Variants in MCPH1 observed in about 807,000 individuals in gnomAD.
MCPH1 encodes microcephalin.
A neutral mutation model predicts 84.5 loss-of-function variants in MCPH1; 104 were observed. That is an observed-to-expected ratio of 1.23 (90% CI 1.05 to 1.45). MCPH1 has a LOEUF of 1.45. Among genes scored for constraint, MCPH1 ranks in the 40% most tolerant of loss-of-function variants. The pLI is 0.00. For synonymous variants in MCPH1, 514 were observed against 366.8 expected (o/e 1.40, Z -4.58); for missense variants, 1,498 against 1,005.7 (o/e 1.49, Z -6.62).
intron 8 of MCPH1, chr8:6,447,470 T>C: frequency 1.0e-6 from 1 of 961,226 alleles, no homozygotes; most frequent in South Asian, 4.8e-5. Context: ...AAAAAAGGCT[T>C]CAAAAACAAG....
intron 12 of MCPH1, among the ~76,000 whole-genome samples, chr8:6,504,330 A>AAAAG (rs1453533544): frequency 1.3e-5 from 2 of 151,334 alleles, no homozygotes; most frequent in African/African-American, 4.9e-5. Context: ...AAAAAAAAAA[A>AAAAG]AAAAAAAGAA....
intron 12 of MCPH1, among the ~76,000 whole-genome samples, chr8:6,541,773 G>C (rs1414521195): frequency 6.6e-6 from 1 of 152,172 alleles, no homozygotes; most frequent in Non-Finnish European, 1.5e-5. Context: ...GGGGGCCAAG[G>C]TAGGAGGATC....
intron 12 of MCPH1, among the ~76,000 whole-genome samples, chr8:6,539,222 A>G (rs1821073468): frequency 6.6e-6 from 1 of 152,242 alleles, no homozygotes; most frequent in Admixed American, 6.5e-5. Context: ...GTGAGAGGTG[A>G]TGTTCACATG....
In MCPH1 at chr8:6,501,503, G is replaced by C. The variant is rs2922804; in HGVS notation, c.2214+1574G>C. 2.0e-5 allele frequency: 3 copies of C among 151,224 alleles called. No individual in the cohort carries two copies. The East Asian group carries it at 5.8e-4, about 29-fold the overall frequency. The allele number at this position is 151,224 out of a possible 1,614,324, so 9.4% of individuals were successfully genotyped here. ...AGGAGTTAAAACTCCAGGAGTTTATGGTTTTGTAGTCCCGAGTATAAAGCT... is the reference window on the plus strand; with the variant it reads ...AGGAGTTAAAACTCCAGGAGTTTATCGTTTTGTAGTCCCGAGTATAAAGCT... On this transcript the variant is annotated intron_variant, in intron 12 of 13. Coordinates refer to ENST00000344683, the MANE Select transcript of MCPH1 (RefSeq NM_024596.5).
At chr8:6,461,773 T>C (rs1197533736) in intron 9 of MCPH1, among the ~76,000 whole-genome samples, 2 of 152,224 alleles carry the variant, frequency 1.3e-5, no homozygotes, top group African/African-American at 4.8e-5. Context: ...TTATGACGAA[T>C]TTTGACCTGT....
chr8:6,586,533 A>C (rs1054062957), intron 12 of MCPH1, among the ~76,000 whole-genome samples: 1 of 152,100 alleles, frequency 6.6e-6, no homozygotes, highest in Non-Finnish European at 1.5e-5. Context: ...CCCTTCTTTC[A>C]GCAGTTATTG....
chr8:6,568,794 C>A (rs1279052571), intron 12 of MCPH1, among the ~76,000 whole-genome samples: 1 of 152,260 alleles, frequency 6.6e-6, no homozygotes. Flanking sequence ...TGCCCGGCTA[C>A]AGTCTGCTTT....
Position 6,645,595 on chromosome 8 carries a change from T to G in MCPH1, c.*2546T>G, listed in dbSNP as rs1241461800. ...AATACAAGACACTATGTATAGAAAT[T>G]GTAAGGAATGCAAAAAAAAAAAAAA... On this transcript the variant is annotated 3_prime_UTR_variant, in exon 14 of 14. Transcript: ENST00000344683. The G allele has an allele frequency of 1.7e-5, 2 of 119,970 alleles. No homozygotes were observed. Among genetic ancestry groups the G allele is most frequent in the Non-Finnish European group, 3.2e-5 (2 of 63,388 alleles). 7.4% of individuals were successfully genotyped at this position (119,970 alleles called of 1,614,324 possible). A position where few individuals can be genotyped will look rare whatever the true frequency, so the allele number is the denominator to read the frequency against.
chr8:6,625,894 T>C (rs907551602), intron 13 of MCPH1: 8 of 985,304 alleles, frequency 8.1e-6, no homozygotes, highest in Admixed American at 6.1e-5. Flanking sequence ...AACCAGGAGT[T>C]TTTTAGCCAC....
At chr8:6,560,726 T>G (rs1562714) in intron 12 of MCPH1, among the ~76,000 whole-genome samples, 24,070 of 152,202 alleles carry the variant, frequency 0.16, 5,071 homozygotes, top group African/African-American at 0.49. Context: ...GAAATTTTGG[T>G]CGCCTAACAT....
chr8:6,540,494 A>G (rs1470334994), intron 12 of MCPH1, among the ~76,000 whole-genome samples: 5 of 152,218 alleles, frequency 3.3e-5, no homozygotes, highest in Non-Finnish European at 5.9e-5. Flanking sequence ...TATTTACCAG[A>G]TGTCTGTGAG....
intron 12 of MCPH1, chr8:6,616,875 G>C (rs1297515350): frequency 6.6e-6 from 1 of 152,204 alleles, no homozygotes; most frequent in African/African-American, 2.4e-5. Flanking sequence ...TTCTTTTAAA[G>C]AGACATCTTG....
intron 12 of MCPH1, among the ~76,000 whole-genome samples, chr8:6,561,739 T>G (rs2515506): frequency 0.99 from 150,385 of 152,306 alleles, 74,273 homozygotes; most frequent in Middle Eastern, 1. Flanking sequence ...AAATTCCAGG[T>G]TCGTTTTGGA....
chr8:6,420,173 C>A (rs550860952), intron 3 of MCPH1, among the ~76,000 whole-genome samples: 1 of 152,004 alleles, frequency 6.6e-6, no homozygotes, highest in Admixed American at 6.6e-5. Flanking sequence ...GCCACTCCCC[C>A]CAGAACTGAT....
intron 12 of MCPH1, among the ~76,000 whole-genome samples, chr8:6,557,226 A>G (rs1054510436): frequency 2.0e-5 from 3 of 152,110 alleles, no homozygotes; most frequent in South Asian, 2.1e-4. Context: ...CCGCTGGGCA[A>G]TCCATACAAG....
intron 3 of MCPH1, among the ~76,000 whole-genome samples, chr8:6,416,254 A>G (rs185315405): frequency 2.0e-5 from 3 of 152,104 alleles, no homozygotes; most frequent in East Asian, 1.9e-4. Flanking sequence ...TTACTTCTTC[A>G]TTTCTAGTCT....
At chr8:6,514,767 G>A (rs1193337779) in intron 12 of MCPH1, 3 of 1,613,924 alleles carry the variant, frequency 1.9e-6, no homozygotes, top group East Asian at 2.2e-5. Flanking sequence ...CAGCTTCCAT[G>A]TCACAGTAGG....
At chr8:6,519,065 A>G (rs1336727453) in intron 12 of MCPH1, among the ~76,000 whole-genome samples, 2 of 152,184 alleles carry the variant, frequency 1.3e-5, no homozygotes, top group Admixed American at 6.5e-5. Context: ...CGTTACATGC[A>G]GTAATTGGAC....
Position 6,442,067 on chromosome 8 carries a change from C to T in MCPH1, c.581C>T (p.Ser194Phe), listed in dbSNP as rs1268651795. 2 of 1,610,232 alleles carry T rather than the reference C, an allele frequency of 1.2e-6. No homozygotes were observed. The highest frequency in any genetic ancestry group is 1.3e-5 in the African/African-American group (1 of 74,844). ...TGCAGTGTCTTGGTCCTGTTTTTAG[C>T]TTCCCAAATGATTCAGCAGTCTCAT... ...KEKRENLSPT[S>F]SQMIQQSHDN... is the part of the protein sequence containing the mutation. The change falls in exon 7 of 14, where the codon TCT (serine) becomes TTT (phenylalanine). Residue 194 changes from serine to phenylalanine, a missense_variant and splice_region_variant. Coordinates refer to ENST00000344683, the MANE Select transcript of MCPH1 (RefSeq NM_024596.5).
Sources: allele counts gnomAD v4.1 joint callset (sites outside exome capture counted in the v4.1 genomes callset), GRCh38; gene constraint gnomAD v4.1.1; transcripts MANE v1.5; gene names NCBI Gene and HGNC (gene_info 2026-07-23, HGNC 2026-07-21).